CEP131: variants seen among roughly 807,000 people sequenced by gnomAD.
CEP131 encodes the protein centrosomal protein 131.
CEP131 carries 99 observed loss-of-function variants against 136.8 expected under a neutral mutation model. The ratio of observed to expected loss-of-function variants is 0.72; its 90% CI spans 0.62 to 0.86. The LOEUF is 0.86. CEP131 is among the 40% of genes least tolerant of loss of function. The pLI is 0.00. For missense variants in CEP131, 1,459 were observed against 1,463.0 expected (o/e 1.00, Z 0.04); for synonymous variants, 646 against 612.7 (o/e 1.05, Z -0.80).
rs946138406 is a variant in CEP131, at chr17:81,194,811, A to C, written c.2119+59T>G. The C allele has an allele frequency of 2.9e-6, 4 of 1,370,762 alleles. No homozygotes were observed. The Admixed American group carries it at 6.7e-5, about 23-fold the overall frequency. 84.9% of individuals were successfully genotyped at this position (1,370,762 alleles called of 1,614,324 possible). On this transcript the variant is annotated intron_variant, in intron 17 of 25. Coordinates refer to ENST00000450824, the MANE Select transcript of CEP131 (RefSeq NM_014984.4). ...CCTGAAGTTATGGCTCTCTCAAAAG[A>C]AGCCCTGGCCGCAGCACCCACCCCA...
At chr17:81,196,066 C>G in intron 15 of CEP131, 115 bp from the exon 16 acceptor site, 2 of 816,068 alleles carry the variant, frequency 2.5e-6, no homozygotes, top group Non-Finnish European at 3.9e-6. Context: ...TCCCCTGGGG[C>G]TGCCCCTCCT....
At chr17:81,194,253 C>A in intron 17 of CEP131, 126 bp from the exon 18 acceptor site, 1 of 849,398 alleles carries the variant, frequency 1.2e-6, no homozygotes, top group Non-Finnish European at 1.7e-6. Flanking sequence ...TCCTTGGATC[C>A]AACCCGAAGC....
chr17:81,199,668 C>T (rs753822034), intron 9 of CEP131, 51 bp downstream of exon 9: 20 of 1,599,986 alleles, frequency 1.3e-5, no homozygotes, highest in Admixed American at 8.3e-5. Flanking sequence ...CAGCCCCGCA[C>T]GGTCAGGCCT....
At chr17:81,192,287 C>A (rs568037087) in intron 21 of CEP131, 31 bp downstream of exon 21, 2 of 1,543,234 alleles carry the variant, frequency 1.3e-6, no homozygotes, top group South Asian at 2.4e-5. Context: ...CAGCCCCCAA[C>A]CCCTGCCCAC....
chr17:81,191,302 T>C lies in CEP131; in HGVS notation c.2656A>G (p.Arg886Gly). 6.2e-7 allele frequency: 1 copy of C among 1,613,322 alleles called. No individual in the cohort carries two copies. Among genetic ancestry groups the C allele is most frequent in the Non-Finnish European group, 8.5e-7 (1 of 1,179,940 alleles). The change falls in exon 22 of 26, where the codon AGG becomes GGG. Residue 886 changes from arginine to glycine, a missense_variant. By Grantham distance (125) the Arg-to-Gly change is moderately radical. Coordinates refer to ENST00000450824, the MANE Select transcript of CEP131 (RefSeq NM_014984.4). ...AWLLNREQEL[R>G]EEIRKGRDKE... The stretch of plus-strand genomic sequence containing the variant: ...TCCCGGCCTTTCCGGATTTCTTCCC[T>C]CAGCTCCTGTTCCCGGTTCAGCAGC...
At position 81,202,286 on chromosome 17, in the gene CEP131, T is replaced by C; in HGVS notation, c.742A>G (p.Thr248Ala). 2.5e-6 allele frequency: 4 copies of C among 1,604,808 alleles called. No individual in the cohort carries two copies. The highest frequency in any genetic ancestry group is 3.4e-6 in the Non-Finnish European group (4 of 1,174,510). ...HSARNNTGGS[T>A]GLPRRKEVTE... ...ACCTCCTTCCGCCTGGGCAAGCCCG[T>C]GCTGCCCCCAGTATTGTTCCGGGCT... The change falls in exon 7 of 26, where the codon ACG (threonine) becomes GCG (alanine). Residue 248 changes from threonine (T) to alanine (A), a missense_variant. Thr to Ala is a moderately conservative substitution (Grantham distance 58). Transcript: ENST00000450824.
intron 5 of CEP131, among the ~76,000 whole-genome samples, chr17:81,206,245 A>T (rs751489157): frequency 2.0e-4 from 30 of 150,824 alleles, no homozygotes; most frequent in Non-Finnish European, 1.6e-4. Context: ...TTCCTGTGCC[A>T]ACCCTGGAGA....
intron 11 of CEP131, 62 bp from the exon 12 acceptor site, chr17:81,198,359 TAGG>T: frequency 1.3e-6 from 2 of 1,484,494 alleles, no homozygotes; most frequent in Non-Finnish European, 1.8e-6. Context: ...AGCCCCCACA[TAGG>T]AGGCCAACCG....
intron 21 of CEP131, among the ~76,000 whole-genome samples, chr17:81,191,971 G>C (rs904382759): frequency 1.3e-5 from 2 of 152,124 alleles, no homozygotes; most frequent in South Asian, 2.1e-4. Context: ...AGGCTAAGGG[G>C]GGAGCCCCTG....
chr17:81,211,091 G>T (rs1471768540), intron 2 of CEP131, among the ~76,000 whole-genome samples: 1 of 152,224 alleles, frequency 6.6e-6, no homozygotes, highest in East Asian at 1.9e-4. Flanking sequence ...CACGGGCTTG[G>T]TCATACCTTC....
Position 81,190,934 on chromosome 17 carries a change from C to T in CEP131, c.2916G>A (p.Lys972=). The change falls in exon 23 of 26, where the codon AAG becomes AAA. Residue 972 remains lysine (K), a synonymous_variant. Transcript: ENST00000450824. ...NLRLQGLVRQ[K]ERALEDAQAV... ...CCTGCGCATCCTCCAGCGCCCGCTC[C>T]TTCTGCCGCACAAGGCCCTGCAGAC... The T allele has an allele frequency of 6.2e-7, 1 of 1,604,954 alleles. No individual in the cohort carries two copies. Among genetic ancestry groups the T allele is most frequent in the Non-Finnish European group, 8.5e-7 (1 of 1,179,694 alleles).
In CEP131 at chr17:81,197,878, G is replaced by A. The variant is rs1256848755; in HGVS notation, c.1481C>T (p.Ala494Val). The A allele has an allele frequency of 6.2e-7, 1 of 1,612,406 alleles. No homozygotes were observed. The highest frequency in any genetic ancestry group is 8.5e-7 in the Non-Finnish European group (1 of 1,179,532). ...RYAWASEEDDASSLTADNLEK... is the reference protein window; with the variant it reads ...RYAWASEEDDVSSLTADNLEK... ...CAAGTTGTCAGCTGTCAGAGAGCTG[G>A]CGTCATCCTCCTGTGGGACAGGAGC... Residue 494 changes from alanine to valine, a missense_variant, in exon 13 of 26, where the codon GCC (alanine) becomes GTC (valine). Transcript: ENST00000450824.
rs567765383 is a variant in CEP131, at chr17:81,215,479, T to C, written c.177+4401A>G. 6.6e-6 allele frequency among the ~76,000 whole-genome samples: 1 copy of C among 152,280 alleles called. No individual in the cohort carries two copies. Among genetic ancestry groups the C allele is most frequent in the East Asian group, 1.9e-4 (1 of 5,180 alleles). On this transcript the variant is annotated intron_variant, in intron 2 of 25. Transcript: ENST00000450824. The surrounding 1 kb of genome is among the most constrained non-coding windows in gnomAD (Gnocchi z 4.1). Reference sequence around the variant, plus strand: ...CAGGCTAGAGTGTGGTGGTGCGATCTTGGCTCACTGCAACCTCCAGCTTCC... The same window carrying C: ...CAGGCTAGAGTGTGGTGGTGCGATCCTGGCTCACTGCAACCTCCAGCTTCC...
In CEP131 at chr17:81,198,911, G is replaced by A. The variant is rs147729628; in HGVS notation, c.1253C>T (p.Pro418Leu). 55,305 of 1,593,196 alleles carry A rather than the reference G, an allele frequency of 0.035. 1,163 individuals are homozygous for A. Among genetic ancestry groups the A allele is most frequent in the Non-Finnish European group, 0.04 (46,546 of 1,170,862 alleles). The change falls in exon 11 of 26, where the codon CCA (proline) becomes CTA (leucine). Residue 418 changes from proline (P) to leucine (L), a missense_variant. Coordinates refer to ENST00000450824, the MANE Select transcript of CEP131 (RefSeq NM_014984.4). The part of the protein sequence containing the change: ...DRCLPTSDSS[P>L]EPQQPPEDRT... ...GTCCTCTGGAGGCTGCTGTGGTTCT[G>A]GGGATGAGTCGGAGGTGGGCAGGCA...
chr17:81,199,682 C>T (rs1187710390), intron 9 of CEP131, 37 bp downstream of exon 9: 1 of 1,602,712 alleles, frequency 6.2e-7, no homozygotes, highest in African/African-American at 1.3e-5. Context: ...CAGGCCTGGG[C>T]CACGGTGCTG....
rs1048195079 is a variant in CEP131, at chr17:81,206,855, C to T, written c.404G>A (p.Gly135Asp). The stretch of plus-strand genomic sequence containing the variant: ...CCGGGCATTGGATGGCAAGGTGAAG[C>T]CCCGGGGCTGGTCATCCTGTCAGAC... ...TWNVLDDQPR[G>D]FTLPSNARSS... Residue 135 changes from glycine (G) to aspartate (D), a missense_variant, in exon 5 of 26, where the codon GGC (glycine) becomes GAC (aspartate). Gly to Asp is a moderately conservative substitution (Grantham distance 94, BLOSUM62 -1). Coordinates refer to ENST00000450824, the MANE Select transcript of CEP131 (RefSeq NM_014984.4). 1 of 1,613,714 alleles carries T rather than the reference C, an allele frequency of 6.2e-7. No homozygotes were observed. Among genetic ancestry groups the T allele is most frequent in the Non-Finnish European group, 8.5e-7 (1 of 1,179,966 alleles).
chr17:81,196,769 G>A lies in CEP131; in HGVS notation c.1831C>T (p.Arg611Trp), dbSNP rs113688504. ...TGCTCCCTCTGCCGCTGCAGCTGCC[G>A]GCTCAGCGCCTTCTCTGTCTCCTTG... Reference protein sequence around the residue: ...RVKETEKALSRQLQRQREHYE... With the variant: ...RVKETEKALSWQLQRQREHYE... The change falls in exon 15 of 26, where the codon CGG becomes TGG. Residue 611 changes from arginine to tryptophan, a missense_variant. By Grantham distance (101) the Arg-to-Trp change is moderately radical (BLOSUM62 -3). Around this residue, in one of 3 missense-constraint regions of CEP131, gnomAD observed 1,026 missense variants for 964.2 expected, o/e 1.06. Coordinates refer to ENST00000450824, the MANE Select transcript of CEP131 (RefSeq NM_014984.4). 9.2e-5 allele frequency: 147 copies of A among 1,592,608 alleles called. 2 individuals carry two copies. The South Asian group carries it at 1.1e-3, about 12-fold the overall frequency.
intron 7 of CEP131, among the ~76,000 whole-genome samples, chr17:81,201,544 T>C (rs2061891463): frequency 6.6e-6 from 1 of 152,258 alleles, no homozygotes; most frequent in Admixed American, 6.5e-5. Flanking sequence ...TCTTTGCCTT[T>C]AATGTTGTTT....
In CEP131 at chr17:81,200,326, G is replaced by C; in HGVS notation, c.906+3C>G. On this transcript the variant is annotated splice_donor_region_variant and intron_variant, in intron 8 of 25. Transcript: ENST00000450824. ...ATGGAGTGACTGAGACGCCCACACTGACCTCCCGCTTGGCCTGAAGCAAGT... is the reference window on the plus strand; with the variant it reads ...ATGGAGTGACTGAGACGCCCACACTCACCTCCCGCTTGGCCTGAAGCAAGT... The C allele has an allele frequency of 3.7e-6, 6 of 1,600,824 alleles. No individual in the cohort carries two copies. Among genetic ancestry groups the C allele is most frequent in the Non-Finnish European group, 5.1e-6 (6 of 1,174,030 alleles).
Sources: allele counts gnomAD v4.1 joint callset (sites outside exome capture counted in the v4.1 genomes callset), GRCh38; gene constraint gnomAD v4.1.1; regional missense constraint gnomAD v4.1.1; non-coding constraint Gnocchi (gnomAD v3.1); transcripts MANE v1.5; gene names NCBI Gene and HGNC (gene_info 2026-07-23, HGNC 2026-07-21).